The following ESRRG variants were observed in gnomAD, a reference collection of about 807,000 sequenced individuals.
ESRRG encodes the protein estrogen related receptor gamma, also known as estrogen-related receptor gamma.
A neutral mutation model predicts 44.0 loss-of-function variants in ESRRG; 13 were observed. The observed-to-expected ratio is 0.30, with a 90% confidence interval of 0.19 to 0.47. ESRRG has a LOEUF of 0.47. ESRRG is among the 20% of genes least tolerant of loss of function. The pLI, the probability that ESRRG is intolerant of heterozygous loss-of-function variation, is 1.00. For synonymous variants in ESRRG, 215 were observed against 214.6 expected (o/e 1.00, Z -0.02); for missense variants, 395 against 580.6 (o/e 0.68, Z 3.29).
chr1:216,602,102 A>G lies in ESRRG; in HGVS notation c.590-34004T>C, dbSNP rs541981453. Among the ~76,000 whole-genome samples the G allele has an allele frequency of 3.3e-5, 5 of 152,336 alleles. No individual in the cohort carries two copies. In the East Asian group the frequency reaches 7.7e-4, roughly 24 times the overall value. On this transcript the variant is annotated intron_variant, in intron 3 of 6. Coordinates refer to ENST00000408911, the MANE Select transcript of ESRRG (RefSeq NM_001438.4). ...TTCTGTGTTCTACTTAAATTCCTCA[A>G]TTTTAAATATAGTTGTTATATCACA...
chr1:217,129,498 C>A (rs2092936424), intron 1 of ESRRG, among the ~76,000 whole-genome samples: 1 of 152,140 alleles, frequency 6.6e-6, no homozygotes, highest in Non-Finnish European at 1.5e-5. Flanking sequence ...CACAGGTGTT[C>A]ACAGCAGCAT....
intron 1 of ESRRG, among the ~76,000 whole-genome samples, chr1:217,126,060 T>A (rs543714837): frequency 6.6e-6 from 1 of 152,138 alleles, no homozygotes; most frequent in Non-Finnish European, 1.5e-5. Context: ...TCAAGAGATA[T>A]TGTGGTAGAG....
At chr1:216,776,254 A>C (rs2093609388) in intron 2 of ESRRG, among the ~76,000 whole-genome samples, 2 of 152,054 alleles carry the variant, frequency 1.3e-5, no homozygotes, top group African/African-American at 4.8e-5. Flanking sequence ...TGTGGCTTGC[A>C]GTTCTCCCAT....
intron 1 of ESRRG, among the ~76,000 whole-genome samples, chr1:216,976,630 T>A (rs2072976041): frequency 6.6e-6 from 1 of 152,302 alleles, no homozygotes; most frequent in South Asian, 2.1e-4. Flanking sequence ...GTAGCATTCA[T>A]CTCTTCATTT....
At chr1:216,610,392 G>C (rs1317993373) in intron 3 of ESRRG, among the ~76,000 whole-genome samples, 1 of 152,074 alleles carries the variant, frequency 6.6e-6, no homozygotes, top group African/African-American at 2.4e-5. Context: ...AGTCCATGCA[G>C]CTTGCAGGGC....
chr1:216,767,625 A>G (rs1453894716), intron 2 of ESRRG, among the ~76,000 whole-genome samples: 1 of 152,190 alleles, frequency 6.6e-6, no homozygotes, highest in East Asian at 1.9e-4. Context: ...TGCAAAGCAG[A>G]TAACTGAGTA....
At chr1:216,511,267 C>A (rs2042636423) in intron 6 of ESRRG, among the ~76,000 whole-genome samples, 1 of 152,142 alleles carries the variant, frequency 6.6e-6, no homozygotes, top group East Asian at 1.9e-4. Context: ...CTAAAAGATA[C>A]TTTGTATCTT....
chr1:216,678,618 G>A (rs548083447), intron 1 of ESRRG, among the ~76,000 whole-genome samples: 15 of 152,224 alleles, frequency 9.9e-5, no homozygotes, highest in African/African-American at 3.4e-4. Context: ...TTCTGGAAAG[G>A]TAATTAGATG....
chr1:216,983,788 AC>A (rs1348923810), intron 1 of ESRRG, among the ~76,000 whole-genome samples: 1 of 147,158 alleles, frequency 6.8e-6, no homozygotes, highest in Non-Finnish European at 1.5e-5. Context: ...TGCAACGCAT[AC>A]CAAGTTATTA....
chr1:216,959,291 A>G (rs2068566644), intron 1 of ESRRG, among the ~76,000 whole-genome samples: 2 of 152,128 alleles, frequency 1.3e-5, no homozygotes, highest in African/African-American at 4.8e-5. Context: ...TAAAGTCATA[A>G]CATTTTAGTC....
intron 2 of ESRRG, among the ~76,000 whole-genome samples, chr1:216,914,132 T>C (rs2060838339): frequency 6.6e-6 from 1 of 152,060 alleles, no homozygotes; most frequent in South Asian, 2.1e-4. Flanking sequence ...TTACACTGTC[T>C]TCCTGTACTG....
intron 1 of ESRRG, among the ~76,000 whole-genome samples, chr1:216,964,641 G>A (rs1349490967): frequency 3.9e-5 from 6 of 151,912 alleles, no homozygotes; most frequent in Admixed American, 6.6e-5. Flanking sequence ...CACCTGGAAG[G>A]AAAAATCATT....
intron 1 of ESRRG, among the ~76,000 whole-genome samples, chr1:217,133,635 C>CTTTCTTTCTTTCTTTCTT (rs1558298142): frequency 8.0e-5 from 7 of 87,022 alleles, no homozygotes; most frequent in Admixed American, 3.0e-4. Flanking sequence ...CTTTCTTTCT[C>CTTTCTTTCTTTCTTTCTT]TCTCTCTCTC....
chr1:216,537,634 G>A (rs1283776291), intron 5 of ESRRG, among the ~76,000 whole-genome samples: 3 of 152,066 alleles, frequency 2.0e-5, no homozygotes, highest in African/African-American at 7.2e-5. Context: ...AGTGAGATGG[G>A]AAGTCACTGG....
intron 1 of ESRRG, among the ~76,000 whole-genome samples, chr1:216,982,341 AG>A (rs2074104579): frequency 6.6e-6 from 1 of 152,192 alleles, no homozygotes; most frequent in Non-Finnish European, 1.5e-5. Flanking sequence ...ATGAGCCAAA[AG>A]TTTTATGTTC....
At chr1:217,070,562 G>A (rs1487918075) in intron 1 of ESRRG, among the ~76,000 whole-genome samples, 1 of 152,096 alleles carries the variant, frequency 6.6e-6, no homozygotes, top group Admixed American at 6.6e-5. Flanking sequence ...TGTGTTTTCA[G>A]TAGAGACAAG....
intron 1 of ESRRG, among the ~76,000 whole-genome samples, chr1:217,029,870 G>C (rs1018016876): frequency 6.6e-6 from 1 of 152,184 alleles, no homozygotes; most frequent in Admixed American, 6.5e-5. Flanking sequence ...AAGGAAAGGC[G>C]CGGGTTTGAG....
intron 2 of ESRRG, among the ~76,000 whole-genome samples, chr1:216,784,519 T>G (rs1393583048): frequency 6.6e-6 from 1 of 152,042 alleles, no homozygotes; most frequent in African/African-American, 2.4e-5. Context: ...ATTCTGAGTT[T>G]CAATAGAGAA....
At chr1:217,030,930 A>C (rs2081977040) in intron 1 of ESRRG, among the ~76,000 whole-genome samples, 1 of 152,240 alleles carries the variant, frequency 6.6e-6, no homozygotes, top group Non-Finnish European at 1.5e-5. Flanking sequence ...AGAGCATGAG[A>C]CTTAAAATTA....
Sources: gnomAD v4.1 joint callset for allele counts (sites outside exome capture counted in the v4.1 genomes callset) on GRCh38, gnomAD v4.1.1 for gene constraint, MANE v1.5 for transcripts, NCBI Gene and HGNC (gene_info 2026-07-23, HGNC 2026-07-21) for gene names.